PCDH15: variants seen among roughly 807,000 people sequenced by gnomAD.
The protein encoded by PCDH15 is protocadherin related 15.
Under a neutral mutation model 178.5 loss-of-function variants are expected in PCDH15, and 129 were observed. The observed-to-expected ratio is 0.72, with a 90% CI of 0.63 to 0.84. The LOEUF is 0.84. Among genes scored for constraint, PCDH15 ranks in the 40% least tolerant of loss-of-function variants. The pLI is 0.00. For missense variants in PCDH15, 2,230 were observed against 2,099.9 expected (o/e 1.06, Z -1.21); for synonymous variants, 800 against 732.0 (o/e 1.09, Z -1.50).
At chr10:54,845,973 T>C (rs879834748) in intron 3 of PCDH15, among the ~76,000 whole-genome samples, 9 of 152,140 alleles carry the variant, frequency 5.9e-5, no homozygotes, top group Admixed American at 5.9e-4. Context: ...GACTGTGTAA[T>C]ATTTCCACTT....
intron 1 of PCDH15, among the ~76,000 whole-genome samples, chr10:55,188,202 T>G (rs1839848382): frequency 6.6e-6 from 1 of 152,020 alleles, no homozygotes; most frequent in African/African-American, 2.4e-5. Flanking sequence ...ACATTTTATA[T>G]CGTGTTTATG....
intron 3 of PCDH15, among the ~76,000 whole-genome samples, chr10:54,829,756 A>T (rs1024959935): frequency 2.6e-5 from 4 of 152,086 alleles, no homozygotes; most frequent in Non-Finnish European, 5.9e-5. Context: ...GTTGTAATTT[A>T]TTCCTGTTGT....
intron 15 of PCDH15, among the ~76,000 whole-genome samples, chr10:54,096,383 C>T (rs2094699819): frequency 6.6e-6 from 1 of 152,052 alleles, no homozygotes; most frequent in South Asian, 2.1e-4. Flanking sequence ...ACTGCATTAA[C>T]TGCTACTCTT....
At chr10:54,211,300 C>T (rs2051398696) in intron 10 of PCDH15, among the ~76,000 whole-genome samples, 2 of 152,102 alleles carry the variant, frequency 1.3e-5, no homozygotes, top group Admixed American at 1.3e-4. Context: ...TAAACATGTA[C>T]TGCCCTGGGT....
chr10:54,409,903 C>G (rs1358276646), intron 3 of PCDH15, among the ~76,000 whole-genome samples: 3 of 152,076 alleles, frequency 2.0e-5, no homozygotes, highest in Non-Finnish European at 4.4e-5. Flanking sequence ...GCAATAAAAC[C>G]CTCACCAGAT....
intron 2 of PCDH15, among the ~76,000 whole-genome samples, chr10:55,433,986 T>C (rs1442812759): frequency 1.3e-5 from 2 of 152,054 alleles, no homozygotes; most frequent in Non-Finnish European, 2.9e-5. Flanking sequence ...AATGCTCTTT[T>C]TCTATATTTA....
intron 1 of PCDH15, among the ~76,000 whole-genome samples, chr10:55,195,691 G>A (rs987998358): frequency 2.1e-4 from 31 of 149,876 alleles, no homozygotes; most frequent in Non-Finnish European, 1.5e-4. Flanking sequence ...GGAGACATGC[G>A]TGATAGATTT....
Position 54,389,818 on chromosome 10 carries a change from G to C in PCDH15, c.158-10876C>G, listed in dbSNP as rs549790510. 9.2e-5 allele frequency among the ~76,000 whole-genome samples: 14 copies of C among 152,104 alleles called. No individual in the cohort carries two copies. The South Asian group carries it at 1.0e-3, about 11-fold the overall frequency. ...AAAAAAAAAATTAACCAGGCATGGT[G>C]GTGGGCGCCTGTAATCCCAGCTACT... On this transcript the variant is annotated intron_variant, in intron 3 of 37. Transcript: ENST00000644397.
intron 1 of PCDH15, among the ~76,000 whole-genome samples, chr10:55,191,123 G>C (rs1488818173): frequency 1.3e-5 from 2 of 151,408 alleles, no homozygotes; most frequent in African/African-American, 4.8e-5. Flanking sequence ...ATTTTTTTTG[G>C]TTGGATACCA....
chr10:55,115,425 TA>T, intron 2 of PCDH15, among the ~76,000 whole-genome samples: 1 of 152,324 alleles, frequency 6.6e-6, no homozygotes, highest in Middle Eastern at 3.4e-3. Context: ...ACAACAAGAA[TA>T]AAAATAGAAG....
At chr10:54,520,700 C>A (rs1299608112) in intron 3 of PCDH15, among the ~76,000 whole-genome samples, 3 of 151,310 alleles carry the variant, frequency 2.0e-5, no homozygotes, top group Non-Finnish European at 4.4e-5. Flanking sequence ...TTGACCCAGC[C>A]ATCCCATTAC....
intron 26 of PCDH15, among the ~76,000 whole-genome samples, chr10:53,897,998 G>A (rs1333460007): frequency 3.6e-5 from 4 of 112,406 alleles, no homozygotes; most frequent in African/African-American, 8.4e-5. Flanking sequence ...ACAGAGTCTC[G>A]CTCTGTCGCC....
At chr10:55,320,326 C>A (rs1465973929), upstream of PCDH15, among the ~76,000 whole-genome samples, 1 of 152,108 alleles carries the variant, frequency 6.6e-6, no homozygotes, top group Non-Finnish European at 1.5e-5. Context: ...CTCAGCACCC[C>A]CTCCAACCCC....
chr10:55,355,310 T>C (rs936763257), intron 2 of PCDH15, among the ~76,000 whole-genome samples: 1 of 152,008 alleles, frequency 6.6e-6, no homozygotes, highest in African/African-American at 2.4e-5. Flanking sequence ...AAAGAGTACA[T>C]TTAACTTTAT....
At chr10:55,025,817 C>A (rs1015986400) in intron 2 of PCDH15, among the ~76,000 whole-genome samples, 4 of 151,856 alleles carry the variant, frequency 2.6e-5, no homozygotes, top group African/African-American at 9.7e-5. Context: ...ATATTAAATG[C>A]TTTCTACAAC....
At chr10:54,983,967 A>C (rs748944245) in intron 2 of PCDH15, among the ~76,000 whole-genome samples, 8 of 152,172 alleles carry the variant, frequency 5.3e-5, no homozygotes, top group Non-Finnish European at 1.0e-4. Flanking sequence ...ATATATATGG[A>C]TTTCTGGAAT....
intron 7 of PCDH15, among the ~76,000 whole-genome samples, chr10:54,327,012 C>T (rs1469443359): frequency 6.6e-6 from 1 of 152,034 alleles, no homozygotes; most frequent in Non-Finnish European, 1.5e-5. Flanking sequence ...ATATGTACTT[C>T]TGTTTTATAA....
intron 1 of PCDH15, among the ~76,000 whole-genome samples, chr10:54,665,951 G>A (rs2094564418): frequency 6.6e-6 from 1 of 151,530 alleles, no homozygotes; most frequent in Non-Finnish European, 1.5e-5. Flanking sequence ...ATAAGAATGT[G>A]GCTTTTTTTT....
chr10:54,364,872 T>C (rs1431995753), intron 5 of PCDH15, among the ~76,000 whole-genome samples: 1 of 152,124 alleles, frequency 6.6e-6, no homozygotes, highest in African/African-American at 2.4e-5. Flanking sequence ...ATTTTTATGT[T>C]GGTAGCTGTC....
Sources: gnomAD v4.1 joint callset for allele counts (sites outside exome capture counted in the v4.1 genomes callset) on GRCh38, gnomAD v4.1.1 for gene constraint, MANE v1.5 for transcripts, NCBI Gene and HGNC (gene_info 2026-07-23, HGNC 2026-07-21) for gene names.